PGM2L1: variants seen among roughly 807,000 people sequenced by gnomAD.
PGM2L1 encodes phosphoglucomutase 2 like 1.
Under a neutral mutation model 73.4 loss-of-function variants are expected in PGM2L1, and 35 were observed. The observed-to-expected ratio is 0.48, with a 90% CI of 0.36 to 0.63. PGM2L1 has a LOEUF of 0.63. Among genes scored for constraint, PGM2L1 ranks in the 30% least tolerant of loss-of-function variants. PGM2L1 has a pLI of 0.00. For synonymous variants in PGM2L1, 225 were observed against 253.8 expected (o/e 0.89, Z 1.08); for missense variants, 570 against 742.0 (o/e 0.77, Z 2.69).
intron 1 of PGM2L1, among the ~76,000 whole-genome samples, chr11:74,386,807 CA>C (rs1863024616): frequency 2.0e-5 from 3 of 151,986 alleles, no homozygotes; most frequent in Admixed American, 2.0e-4. Context: ...AAGTGAAAAA[CA>C]AAATGATATT....
Position 74,374,573 on chromosome 11 carries a change from T to C in PGM2L1, c.121A>G (p.Thr41Ala). The C allele has an allele frequency of 6.2e-7, 1 of 1,612,994 alleles. No individual in the cohort carries two copies. Among genetic ancestry groups the C allele is most frequent in the South Asian group, 1.1e-5 (1 of 91,024 alleles). The change falls in exon 2 of 14, where the codon ACA becomes GCA. Residue 41 changes from threonine to alanine, a missense_variant. Coordinates refer to ENST00000298198, the MANE Select transcript of PGM2L1 (RefSeq NM_173582.6). ...QWLRWDKNPKTKEQIENLLRN... is the reference protein window; with the variant it reads ...QWLRWDKNPKAKEQIENLLRN... ...AACAGGTTTTCAATCTGCTCTTTTG[T>C]TTTGGGATTCTATAAAAAAGAAGTA...
intron 6 of PGM2L1, among the ~76,000 whole-genome samples, chr11:74,350,393 G>C (rs1862330856): frequency 6.6e-6 from 1 of 152,148 alleles, no homozygotes; most frequent in African/African-American, 2.4e-5. Flanking sequence ...ACTCTTAAGA[G>C]AAATGTACTG....
At position 74,331,685 on chromosome 11, in the gene PGM2L1, G is replaced by A. The variant is rs1164250359; in HGVS notation, c.*4967C>T. 6.6e-6 allele frequency: 1 copy of A among 152,082 alleles called. No homozygotes were observed. The highest frequency in any genetic ancestry group is 2.4e-5 in the African/African-American group (1 of 41,384). 9.4% of individuals were successfully genotyped at this position (152,082 alleles called of 1,614,324 possible). On this transcript the variant is annotated 3_prime_UTR_variant, in exon 14 of 14. Coordinates refer to ENST00000298198, the MANE Select transcript of PGM2L1 (RefSeq NM_173582.6). ...GATGAACATGGTGCTCCTTTGTGGT[G>A]GCATAAGTTTCAGTAAAGATTAAAC... is the stretch of plus-strand genomic sequence containing the variant.
At chr11:74,390,106 G>A (rs1271307876) in intron 1 of PGM2L1, among the ~76,000 whole-genome samples, 3 of 139,266 alleles carry the variant, frequency 2.2e-5, no homozygotes, top group South Asian at 2.3e-4. Flanking sequence ...GCGACAGAGC[G>A]AGACTCCGTC....
chr11:74,360,556 G>A (rs1277368180), intron 5 of PGM2L1, among the ~76,000 whole-genome samples: 1 of 152,096 alleles, frequency 6.6e-6, no homozygotes, highest in Non-Finnish European at 1.5e-5. Context: ...GTTGGACAGT[G>A]GGGGCAGGAC....
At chr11:74,364,799 T>G (rs1435992836) in intron 5 of PGM2L1, among the ~76,000 whole-genome samples, 2 of 152,158 alleles carry the variant, frequency 1.3e-5, no homozygotes, top group Non-Finnish European at 2.9e-5. Context: ...CCAAGGTAAT[T>G]TATAGATTCA....
chr11:74,379,551 G>A (rs1862907417), intron 1 of PGM2L1, among the ~76,000 whole-genome samples: 1 of 152,026 alleles, frequency 6.6e-6, no homozygotes, highest in Admixed American at 6.6e-5. Flanking sequence ...AAACCTAACA[G>A]CTTAAATACA....
chr11:74,347,556 G>A (rs1431834630), intron 6 of PGM2L1, among the ~76,000 whole-genome samples: 1 of 152,152 alleles, frequency 6.6e-6, no homozygotes, highest in African/African-American at 2.4e-5. Flanking sequence ...TCCTGACCTG[G>A]ACAGCTGCCT....
intron 1 of PGM2L1, among the ~76,000 whole-genome samples, chr11:74,379,570 C>T (rs1380119422): frequency 6.6e-6 from 1 of 152,138 alleles, no homozygotes; most frequent in Non-Finnish European, 1.5e-5. Flanking sequence ...CACTCAAAAA[C>T]ATGAATCGTA....
In PGM2L1 at chr11:74,345,469, T is replaced by C; in HGVS notation, c.1218A>G (p.Glu406=). ...AIALKEGFHF[E]ETLPGFKWIG... The stretch of plus-strand genomic sequence containing the variant: ...GCACACAGATATTATTGATTCTTAC[T>C]TCAAAATGAAATCCTTCTTTAAGTG... The change falls in exon 9 of 14, where the codon GAA becomes GAG. Residue 406 remains glutamate, a splice_region_variant and synonymous_variant. Coordinates refer to ENST00000298198, the MANE Select transcript of PGM2L1 (RefSeq NM_173582.6). 1 of 1,604,842 alleles carries C rather than the reference T, an allele frequency of 6.2e-7. No individual in the cohort carries two copies. The highest frequency in any genetic ancestry group is 8.5e-7 in the Non-Finnish European group (1 of 1,173,020).
chr11:74,388,068 T>C (rs1863041575), intron 1 of PGM2L1, among the ~76,000 whole-genome samples: 1 of 152,224 alleles, frequency 6.6e-6, no homozygotes, highest in Non-Finnish European at 1.5e-5. Flanking sequence ...GGCCAAATAC[T>C]GCATGATTTC....
chr11:74,362,203 G>A (rs990446058), intron 5 of PGM2L1, among the ~76,000 whole-genome samples: 1 of 152,180 alleles, frequency 6.6e-6, no homozygotes, highest in African/African-American at 2.4e-5. Flanking sequence ...TGATCTCTTG[G>A]CAGAAACTCT....
At chr11:74,364,733 G>T (rs1862626789) in intron 5 of PGM2L1, among the ~76,000 whole-genome samples, 1 of 152,124 alleles carries the variant, frequency 6.6e-6, no homozygotes, top group African/African-American at 2.4e-5. Flanking sequence ...ACAAATGGAA[G>T]AACATTCCAT....
At chr11:74,389,846 G>A (rs1397325038) in intron 1 of PGM2L1, among the ~76,000 whole-genome samples, 1 of 147,348 alleles carries the variant, frequency 6.8e-6, no homozygotes, top group Non-Finnish European at 1.5e-5. Flanking sequence ...GCTCACGCCT[G>A]TAATCCCAGC....
At chr11:74,366,751 C>T (rs924253909) in intron 5 of PGM2L1, among the ~76,000 whole-genome samples, 5 of 151,810 alleles carry the variant, frequency 3.3e-5, no homozygotes, top group African/African-American at 7.3e-5. Context: ...ATGCAGTGAG[C>T]GCAGGAAGGG....
intron 12 of PGM2L1, among the ~76,000 whole-genome samples, chr11:74,339,858 T>G (rs1251344804): frequency 6.6e-6 from 1 of 152,208 alleles, no homozygotes; most frequent in Non-Finnish European, 1.5e-5. Context: ...CTGCTCCTCC[T>G]GCATCTGGCC....
chr11:74,392,067 T>C (rs918406492), intron 1 of PGM2L1, among the ~76,000 whole-genome samples: 3 of 152,220 alleles, frequency 2.0e-5, no homozygotes, highest in Admixed American at 6.5e-5. Flanking sequence ...AGGGATATAT[T>C]TGACAGATAA....
At chr11:74,359,956 T>G (rs961699259) in intron 5 of PGM2L1, among the ~76,000 whole-genome samples, 9 of 152,140 alleles carry the variant, frequency 5.9e-5, no homozygotes, top group Non-Finnish European at 1.2e-4. Context: ...GCAGACTAAG[T>G]CTCTCTACCT....
At chr11:74,342,418 A>G (rs1862196187) in intron 12 of PGM2L1, 43 bp downstream of exon 12, 1 of 1,389,288 alleles carries the variant, frequency 7.2e-7, no homozygotes, top group South Asian at 1.7e-5. Flanking sequence ...GACATGAGCC[A>G]TGAAATTTTC....
Sources: gnomAD v4.1 joint callset for allele counts (sites outside exome capture counted in the v4.1 genomes callset) on GRCh38, gnomAD v4.1.1 for gene constraint, MANE v1.5 for transcripts, NCBI Gene and HGNC (gene_info 2026-07-23, HGNC 2026-07-21) for gene names.